Variants in TEDC1 observed in about 807,000 individuals in gnomAD.
The protein encoded by TEDC1 is tubulin epsilon and delta complex 1.
In TEDC1, 54 loss-of-function variants were observed where a neutral mutation model predicts 59.9. The ratio of observed to expected loss-of-function variants is 0.90; its 90% CI spans 0.72 to 1.13. The LOEUF (loss-of-function observed/expected upper bound fraction) is 1.13. Ranked by LOEUF, TEDC1 falls within the 50% of genes most tolerant of loss-of-function variation. TEDC1 has a pLI of 0.00. For missense variants in TEDC1, 734 were observed against 683.4 expected, an observed-to-expected ratio of 1.07 and a Z score of -0.83; for synonymous variants, 353 against 298.1, an observed-to-expected ratio of 1.18 and a Z score of -1.90.
chr14:105,495,927 G>A lies in TEDC1; in HGVS notation c.732G>A (p.Lys244=). 3 of 1,550,350 alleles carry A rather than the reference G, an allele frequency of 1.9e-6. No individual in the cohort carries two copies. Among genetic ancestry groups the A allele is most frequent in the Non-Finnish European group, 2.6e-6 (3 of 1,146,922 alleles). Residue 244 remains lysine (K), a synonymous_variant, in exon 6 of 9, where the codon AAG becomes AAA. Transcript: ENST00000392523. The part of the protein sequence containing the change: ...AAQNLDLAYP[K]CLHSFCTPGM... ...AAAACCTGGACCTGGCCTACCCAAAGTGCCTGCACTCCTTCTGCACTCCTG... is the reference window on the plus strand; with the variant it reads ...AAAACCTGGACCTGGCCTACCCAAAATGCCTGCACTCCTTCTGCACTCCTG...
chr14:105,499,109 TC>T lies in TEDC1; in HGVS notation c.*166del. ...TGGGGCTGGGCTGACTCTGGCCGGATCCCAGGCCTGTGGCTAGCAGCACTGG... is the reference window on the plus strand; with the variant it reads ...TGGGGCTGGGCTGACTCTGGCCGGATCCAGGCCTGTGGCTAGCAGCACTGG... On this transcript the variant is annotated 3_prime_UTR_variant, in exon 9 of 9. Transcript: ENST00000392523. 1.3e-6 allele frequency: 1 copy of T among 760,028 alleles called. No homozygotes were observed. The highest frequency in any genetic ancestry group is 2.1e-6 in the Non-Finnish European group (1 of 482,642). The allele number at this position is 760,028 out of a possible 1,614,324, so 47.1% of individuals were successfully genotyped here. A position where few individuals can be genotyped will look rare whatever the true frequency, so the allele number is the denominator to read the frequency against.
Position 105,491,277 on chromosome 14 carries a change from GT to G in TEDC1, c.-98del. Reference sequence around the variant, plus strand: ...CAGCCGGAGCGGTAACTGGGCGCAGGTCCCAGCCGCCGCACTAAACCCGGCC... The same window carrying G: ...CAGCCGGAGCGGTAACTGGGCGCAGGCCCAGCCGCCGCACTAAACCCGGCC... On this transcript the variant is annotated 5_prime_UTR_variant, in exon 1 of 9. Transcript: ENST00000392523. The G allele has an allele frequency of 6.6e-7, 1 of 1,520,388 alleles. No homozygotes were observed. Among genetic ancestry groups the G allele is most frequent in the Non-Finnish European group, 8.8e-7 (1 of 1,137,104 alleles). The allele number at this position is 1,520,388 out of a possible 1,614,324, so 94.2% of individuals were successfully genotyped here.
intron 2 of TEDC1, 67 bp from the exon 3 acceptor site, chr14:105,492,040 T>C: frequency 4.0e-6 from 6 of 1,492,268 alleles, no homozygotes; most frequent in Non-Finnish European, 5.5e-6. Context: ...TGGGGGTCTC[T>C]GGAGGGATCC....
chr14:105,490,221 G>A (rs1399604908), upstream of TEDC1: 2 of 152,214 alleles, frequency 1.3e-5, no homozygotes, highest in Non-Finnish European at 2.9e-5. Flanking sequence ...CGGGGGCGAA[G>A]GAGGCCGAGA....
chr14:105,493,080 AG>A (rs1215757393), intron 4 of TEDC1, among the ~76,000 whole-genome samples: 4 of 151,902 alleles, frequency 2.6e-5, no homozygotes, highest in Admixed American at 6.6e-5. Flanking sequence ...TGGGCACTGG[AG>A]GGGGAGGAAG....
In TEDC1 at chr14:105,499,110, C is replaced by T. The variant is rs2084414408; in HGVS notation, c.*164C>T. ...GGGGCTGGGCTGACTCTGGCCGGAT[C>T]CCAGGCCTGTGGCTAGCAGCACTGG... On this transcript the variant is annotated 3_prime_UTR_variant, in exon 9 of 9. Transcript: ENST00000392523. 1 of 755,154 alleles carries T rather than the reference C, an allele frequency of 1.3e-6. No homozygotes were observed. The highest frequency in any genetic ancestry group is 1.9e-5 in the South Asian group (1 of 53,694). 46.8% of individuals were successfully genotyped at this position (755,154 alleles called of 1,614,324 possible).
At position 105,493,907 on chromosome 14, in the gene TEDC1, C is replaced by T. The variant is rs947309915; in HGVS notation, c.658C>T (p.Leu220Phe). The stretch of plus-strand genomic sequence containing the variant: ...TCTGTCTGTCACTGAAGCAGAGATG[C>T]TCAGGGACCCAGAGGGAGGCCAGCA... ...SHLSVTEAEM[L>F]RDPEGGQQVS... Residue 220 changes from leucine to phenylalanine, a missense_variant, in exon 5 of 9, where the codon CTC (leucine) becomes TTC (phenylalanine). Coordinates refer to ENST00000392523, the MANE Select transcript of TEDC1 (RefSeq NM_001367178.1). 2 of 1,595,170 alleles carry T rather than the reference C, an allele frequency of 1.3e-6. No homozygotes were observed. Among genetic ancestry groups the T allele is most frequent in the Non-Finnish European group, 1.7e-6 (2 of 1,176,500 alleles).
chr14:105,490,893 T>G, upstream of TEDC1: 3 of 895,464 alleles, frequency 3.4e-6, no homozygotes, highest in Non-Finnish European at 5.3e-6. Context: ...GAGGCGCTGA[T>G]GGGTGGGGTC....
Position 105,492,093 on chromosome 14 carries a change from G to C in TEDC1, c.227-14G>C. On this transcript the variant is annotated splice_polypyrimidine_tract_variant and intron_variant, in intron 2 of 8. Transcript: ENST00000392523. ...GGTGGGTGGTCCCCCTAAGGTGGTG[G>C]TCTTCTGTCCTAGAGGTCCAAGCCC... The C allele has an allele frequency of 6.3e-7, 1 of 1,580,622 alleles. No individual in the cohort carries two copies. Among genetic ancestry groups the C allele is most frequent in the Non-Finnish European group, 8.6e-7 (1 of 1,164,100 alleles).
upstream of TEDC1, chr14:105,490,995 C>T: frequency 6.5e-7 from 1 of 1,541,110 alleles, no homozygotes; most frequent in Non-Finnish European, 8.8e-7. Context: ...GCCAGGAGCC[C>T]GGAAGTGGGT....
At position 105,491,268 on chromosome 14, in the gene TEDC1, T is replaced by C. The variant is rs1487881925; in HGVS notation, c.-108T>C. The C allele has an allele frequency of 6.6e-7, 1 of 1,526,046 alleles. No homozygotes were observed. The highest frequency in any genetic ancestry group is 8.8e-7 in the Non-Finnish European group (1 of 1,139,372). The allele number at this position is 1,526,046 out of a possible 1,614,324, so 94.5% of individuals were successfully genotyped here. A position where few individuals can be genotyped will look rare whatever the true frequency, so the allele number is the denominator to read the frequency against. On this transcript the variant is annotated 5_prime_UTR_variant, in exon 1 of 9. Transcript: ENST00000392523. The stretch of plus-strand genomic sequence containing the variant: ...CTCAGGTTCCAGCCGGAGCGGTAAC[T>C]GGGCGCAGGTCCCAGCCGCCGCACT...
rs1045311711 is a variant in TEDC1 at position 105,498,601 on chromosome 14, A to G, written c.1159-16A>G. On this transcript the variant is annotated splice_polypyrimidine_tract_variant and intron_variant, in intron 8 of 8. Transcript: ENST00000392523. ...GTCCTGGGGGGACAGAGCCATTGCC[A>G]TTGTGTCCCACGCAGGCTGGAGGCT... is the stretch of plus-strand genomic sequence containing the variant. 2.6e-6 allele frequency: 4 copies of G among 1,521,820 alleles called. No individual in the cohort carries two copies. The South Asian group carries it at 5.1e-5, about 19-fold the overall frequency. The allele number at this position is 1,521,820 out of a possible 1,614,324, so 94.3% of individuals were successfully genotyped here. A position where few individuals can be genotyped will look rare whatever the true frequency, so the allele number is the denominator to read the frequency against.
chr14:105,494,351 G>A, intron 5 of TEDC1: 2 of 251,770 alleles, frequency 7.9e-6, no homozygotes, highest in South Asian at 4.2e-5. Flanking sequence ...GTGAAGGGTT[G>A]GGCACAGGGC....
chr14:105,493,855 C>T lies in TEDC1; in HGVS notation c.606C>T (p.Gly202=). Residue 202 remains glycine, a synonymous_variant, in exon 5 of 9, where the codon GGC becomes GGT. Coordinates refer to ENST00000392523, the MANE Select transcript of TEDC1 (RefSeq NM_001367178.1). ...LLSKIHLYTR[G]CHSDQSLSHL... is the part of the protein sequence containing the mutation. ...TTTAGATCCACCTGTACACACGCGGCTGCCACAGCGACCAGAGCCTTAGCC... is the reference window on the plus strand; with the variant it reads ...TTTAGATCCACCTGTACACACGCGGTTGCCACAGCGACCAGAGCCTTAGCC... The T allele has an allele frequency of 5.6e-6, 9 of 1,607,282 alleles. No homozygotes were observed. The highest frequency in any genetic ancestry group is 7.6e-6 in the Non-Finnish European group (9 of 1,179,606).
chr14:105,496,854 AG>A, intron 6 of TEDC1: 1 of 199,686 alleles, frequency 5.0e-6, no homozygotes, highest in Non-Finnish European at 1.0e-5. Context: ...TCACTGCCTT[AG>A]GGGGTCCCTG....
intron 8 of TEDC1, 65 bp from the exon 9 acceptor site, chr14:105,498,552 A>G: frequency 6.9e-7 from 1 of 1,446,086 alleles, no homozygotes. Flanking sequence ...GGCTCAGGGA[A>G]TGCTCAGGGA....
chr14:105,491,032 C>T, upstream of TEDC1: 1 of 1,550,924 alleles, frequency 6.4e-7, no homozygotes. Context: ...AGACTACACT[C>T]AAACTCCAGG....
At chr14:105,493,972 G>GCC in intron 5 of TEDC1, 39 bp downstream of exon 5, 1 of 660,398 alleles carries the variant, frequency 1.5e-6, no homozygotes, top group Non-Finnish European at 2.5e-6. Flanking sequence ...GTGGGGGTGG[G>GCC]CTGGGGGGCA....
chr14:105,497,355 A>G lies in TEDC1; in HGVS notation c.892-2A>G, dbSNP rs1406937352. 3 of 1,550,432 alleles carry G rather than the reference A, an allele frequency of 1.9e-6. No individual in the cohort carries two copies. The highest frequency in any genetic ancestry group is 2.7e-5 in the African/African-American group (2 of 73,160). ...CTAGGCCAGCTGCCGTTTGCCTTCC[A>G]GCTGCTGCGGACTCTGGAGCGTGAG... On this transcript the variant is annotated splice_acceptor_variant, in intron 6 of 8. Coordinates refer to ENST00000392523, the MANE Select transcript of TEDC1 (RefSeq NM_001367178.1). LOFTEE classifies it high-confidence loss of function.
Sources: allele counts gnomAD v4.1 joint callset (sites outside exome capture counted in the v4.1 genomes callset), GRCh38; gene constraint gnomAD v4.1.1; transcripts MANE v1.5; gene names NCBI Gene and HGNC (gene_info 2026-07-23, HGNC 2026-07-21).